The following SH3GL2 variants were observed in gnomAD, a reference collection of about 807,000 sequenced individuals.
SH3GL2 encodes SH3 domain containing GRB2 like 2, endophilin A1, also known as endophilin-A1.
Under a neutral mutation model 46.0 loss-of-function variants are expected in SH3GL2, and 24 were observed. That is an observed-to-expected ratio of 0.52 (90% CI 0.38 to 0.73). The LOEUF (loss-of-function observed/expected upper bound fraction) is 0.73, where lower values mean the gene tolerates loss of function less well. SH3GL2 is among the 30% of genes least tolerant of loss of function. The pLI, the probability that SH3GL2 is intolerant of heterozygous loss-of-function variation, is 0.00. For missense variants in SH3GL2, 413 were observed against 424.2 expected, an observed-to-expected ratio of 0.97 and a Z score of 0.23; for synonymous variants, 196 against 147.1, an observed-to-expected ratio of 1.33 and a Z score of -2.40.
intron 1 of SH3GL2, among the ~76,000 whole-genome samples, chr9:17,641,200 C>G (rs10963182): frequency 2.0e-5 from 3 of 152,086 alleles, no homozygotes; most frequent in Non-Finnish European, 1.5e-5. Flanking sequence ...GCTTCTATCT[C>G]CTAGTAGTGT....
chr9:17,764,187 C>A (rs868465182), intron 3 of SH3GL2, among the ~76,000 whole-genome samples: 5 of 152,042 alleles, frequency 3.3e-5, no homozygotes, highest in African/African-American at 1.2e-4. Flanking sequence ...TATGGGCAGG[C>A]CACATACATA....
chr9:17,614,038 G>T (rs1818928007), intron 1 of SH3GL2, among the ~76,000 whole-genome samples: 1 of 151,952 alleles, frequency 6.6e-6, no homozygotes, highest in Admixed American at 6.5e-5. Context: ...GGTCCACTCA[G>T]TTATTTGGCT....
intron 1 of SH3GL2, among the ~76,000 whole-genome samples, chr9:17,643,466 A>C (rs561574211): frequency 3.3e-5 from 5 of 152,210 alleles, no homozygotes; most frequent in Non-Finnish European, 7.3e-5. Flanking sequence ...TTCAAAGGGA[A>C]TGCTTCCAGC....
intron 1 of SH3GL2, among the ~76,000 whole-genome samples, chr9:17,592,124 C>A (rs1408721518): frequency 6.6e-6 from 1 of 152,114 alleles, no homozygotes; most frequent in Non-Finnish European, 1.5e-5. Context: ...GGCCTGAGGC[C>A]CCGGGGAGCT....
chr9:17,609,515 C>T (rs1157322692), intron 1 of SH3GL2, among the ~76,000 whole-genome samples: 1 of 152,062 alleles, frequency 6.6e-6, no homozygotes, highest in Non-Finnish European at 1.5e-5. Context: ...CGTGGGGCCA[C>T]CTCCCTGCAG....
At chr9:17,579,964 G>T (rs1012566666) in intron 1 of SH3GL2, among the ~76,000 whole-genome samples, 17 of 152,310 alleles carry the variant, frequency 1.1e-4, no homozygotes, top group South Asian at 2.1e-4. Context: ...AATTGTTGAA[G>T]ACTTAAAATC....
intron 1 of SH3GL2, among the ~76,000 whole-genome samples, chr9:17,683,877 C>T (rs567223645): frequency 1.3e-5 from 2 of 152,148 alleles, no homozygotes; most frequent in African/African-American, 4.8e-5. Flanking sequence ...TGTGCAGAGG[C>T]TAATAAGCCT....
At chr9:17,583,131 G>A (rs1818307938) in intron 1 of SH3GL2, among the ~76,000 whole-genome samples, 2 of 152,170 alleles carry the variant, frequency 1.3e-5, no homozygotes. Flanking sequence ...TGCATAAAAG[G>A]ATTAACCACA....
intron 3 of SH3GL2, among the ~76,000 whole-genome samples, chr9:17,766,936 A>G: frequency 6.6e-6 from 1 of 152,150 alleles, no homozygotes; most frequent in East Asian, 1.9e-4. Flanking sequence ...TAGGCTCTGG[A>G]TTTTTTAAAA....
chr9:17,663,559 G>C (rs1487061619), intron 1 of SH3GL2, among the ~76,000 whole-genome samples: 2 of 152,102 alleles, frequency 1.3e-5, no homozygotes, highest in Non-Finnish European at 2.9e-5. Context: ...GACCACTCAG[G>C]GTTCTGAAAT....
intron 7 of SH3GL2, 39 bp from the exon 8 acceptor site, chr9:17,793,328 G>A (rs761687139): frequency 2.5e-6 from 4 of 1,571,616 alleles, no homozygotes; most frequent in Non-Finnish European, 1.7e-6. Flanking sequence ...CTTCTTAACT[G>A]GTTACATAAC....
chr9:17,783,704 G>T (rs1249166727), intron 3 of SH3GL2, among the ~76,000 whole-genome samples: 1 of 152,120 alleles, frequency 6.6e-6, no homozygotes, highest in East Asian at 1.9e-4. Flanking sequence ...GAATAGGTCA[G>T]CCTTTTATGG....
intron 1 of SH3GL2, among the ~76,000 whole-genome samples, chr9:17,612,821 A>T (rs1385794556): frequency 2.0e-5 from 3 of 152,120 alleles, no homozygotes; most frequent in African/African-American, 7.2e-5. Context: ...ATAAGCAGTC[A>T]CTCACCATTT....
chr9:17,702,923 G>A (rs1821374095), intron 1 of SH3GL2, among the ~76,000 whole-genome samples: 1 of 152,044 alleles, frequency 6.6e-6, no homozygotes, highest in African/African-American at 2.4e-5. Flanking sequence ...CTGTCAGCTG[G>A]TTATGCCACT....
intron 1 of SH3GL2, among the ~76,000 whole-genome samples, chr9:17,618,151 G>T (rs926238094): frequency 6.6e-6 from 1 of 152,108 alleles, no homozygotes; most frequent in Admixed American, 6.5e-5. Flanking sequence ...CTGCTAAAGG[G>T]GATGTTTGGC....
intron 1 of SH3GL2, among the ~76,000 whole-genome samples, chr9:17,645,822 A>G (rs184413926): frequency 5.6e-4 from 85 of 151,676 alleles, no homozygotes; most frequent in African/African-American, 1.9e-3. Context: ...CTTCATTTCA[A>G]CCTTGGTGAA....
At chr9:17,673,534 C>T (rs1300184697) in intron 1 of SH3GL2, among the ~76,000 whole-genome samples, 2 of 152,070 alleles carry the variant, frequency 1.3e-5, no homozygotes, top group African/African-American at 4.8e-5. Context: ...TCTTTAGAAA[C>T]ACATTTCTGA....
intron 1 of SH3GL2, among the ~76,000 whole-genome samples, chr9:17,738,626 T>TTTTATATATA (rs58272546): frequency 0.067 from 5,025 of 74,648 alleles, 259 homozygotes; most frequent in East Asian, 0.093. Context: ...TCATGTGATT[T>TTTTATATATA]TATATATATA....
rs139528216 is a variant in SH3GL2 at position 17,755,064 on chromosome 9, G to A, written c.115-6373G>A. 5.4e-3 allele frequency among the ~76,000 whole-genome samples: 820 copies of A among 152,188 alleles called. 5 individuals are homozygous for A. The highest frequency in any genetic ancestry group is 0.018 in the African/African-American group (761 of 41,512). ...AGAGAGGGCATCCTTGTCTTGTGCC[G>A]GTTTTCAGGGGAAATGCTTCCAGCT... On this transcript the variant is annotated intron_variant, in intron 2 of 8. Coordinates refer to ENST00000380607, the MANE Select transcript of SH3GL2 (RefSeq NM_003026.5).
Sources: allele counts gnomAD v4.1 joint callset (sites outside exome capture counted in the v4.1 genomes callset), GRCh38; gene constraint gnomAD v4.1.1; transcripts MANE v1.5; gene names NCBI Gene and HGNC (gene_info 2026-07-23, HGNC 2026-07-21).